The following PTPRD variants were observed in gnomAD, a reference collection of about 807,000 sequenced individuals.
The protein encoded by PTPRD is receptor-type tyrosine-protein phosphatase delta.
Under a neutral mutation model 214.5 loss-of-function variants are expected in PTPRD, and 34 were observed. The ratio of observed to expected loss-of-function variants is 0.16; its 90% confidence interval spans 0.12 to 0.21. The LOEUF is 0.21. Ranked by LOEUF, PTPRD falls within the 10% of genes least tolerant of loss-of-function variation. PTPRD has a pLI of 1.00. For missense variants in PTPRD, 2,545 were observed against 2,398.7 expected, an observed-to-expected ratio of 1.06 and a Z score of -1.27; for synonymous variants, 1,128 against 845.7, an observed-to-expected ratio of 1.33 and a Z score of -5.79.
intron 8 of PTPRD, among the ~76,000 whole-genome samples, chr9:9,403,909 T>C (rs1242616396): frequency 1.3e-5 from 2 of 151,964 alleles, no homozygotes; most frequent in African/African-American, 2.4e-5. Context: ...AAATAAAACA[T>C]GTAATATAGC....
At chr9:10,392,382 C>T (rs999203805) in intron 2 of PTPRD, among the ~76,000 whole-genome samples, 27 of 151,272 alleles carry the variant, frequency 1.8e-4, no homozygotes, top group African/African-American at 6.5e-4. Flanking sequence ...ATAAGAATTC[C>T]CCATTACCAA....
At chr9:8,375,777 A>G (rs927442062) in intron 39 of PTPRD, among the ~76,000 whole-genome samples, 159 bp downstream of exon 39, 1 of 152,092 alleles carries the variant, frequency 6.6e-6, no homozygotes, top group African/African-American at 2.4e-5. Flanking sequence ...TGTCAAATCC[A>G]TCCTATTGAT....
chr9:8,844,540 T>C (rs1469121454), intron 11 of PTPRD, among the ~76,000 whole-genome samples: 1 of 152,216 alleles, frequency 6.6e-6, no homozygotes, highest in Non-Finnish European at 1.5e-5. Context: ...GCCAAGATTA[T>C]GCATATTTTA....
chr9:10,282,326 G>A (rs2095159476), intron 3 of PTPRD, among the ~76,000 whole-genome samples: 1 of 152,140 alleles, frequency 6.6e-6, no homozygotes, highest in African/African-American at 2.4e-5. Flanking sequence ...AATGTTAATT[G>A]TTCAATACAG....
intron 11 of PTPRD, among the ~76,000 whole-genome samples, chr9:8,884,011 T>A (rs1354804437): frequency 2.6e-5 from 4 of 152,242 alleles, no homozygotes; most frequent in African/African-American, 9.6e-5. Flanking sequence ...GCAAGCTTTA[T>A]GTTGCCTCAT....
At chr9:9,969,384 T>G (rs1328075949) in intron 4 of PTPRD, among the ~76,000 whole-genome samples, 2 of 152,112 alleles carry the variant, frequency 1.3e-5, no homozygotes, top group Non-Finnish European at 2.9e-5. Flanking sequence ...ACCAATAGGG[T>G]ACCCTTGAAA....
chr9:9,853,750 T>C (rs1371631141), intron 5 of PTPRD, among the ~76,000 whole-genome samples: 1 of 152,092 alleles, frequency 6.6e-6, no homozygotes, highest in Non-Finnish European at 1.5e-5. Flanking sequence ...GGTTTCACCA[T>C]GTTGGCCAGG....
intron 4 of PTPRD, among the ~76,000 whole-genome samples, chr9:9,946,439 A>T (rs181769960): frequency 6.6e-6 from 1 of 152,298 alleles, no homozygotes; most frequent in Non-Finnish European, 1.5e-5. Context: ...TAATTAAAAA[A>T]TAAACTCCCT....
chr9:9,786,909 C>A (rs1279842569), intron 5 of PTPRD, among the ~76,000 whole-genome samples: 1 of 152,008 alleles, frequency 6.6e-6, no homozygotes, highest in Non-Finnish European at 1.5e-5. Flanking sequence ...CTTTGGGAGG[C>A]CGAGGCAGGT....
intron 8 of PTPRD, among the ~76,000 whole-genome samples, chr9:9,443,173 A>T (rs1453147974): frequency 6.6e-6 from 1 of 152,172 alleles, no homozygotes; most frequent in South Asian, 2.1e-4. Context: ...TTTAAAAAAA[A>T]TCTTCAACTG....
At chr9:8,881,201 A>T (rs1357738291) in intron 11 of PTPRD, among the ~76,000 whole-genome samples, 1 of 152,228 alleles carries the variant, frequency 6.6e-6, no homozygotes, top group Non-Finnish European at 1.5e-5. Context: ...AAGAAATCAA[A>T]TGTATTTGTT....
At chr9:9,594,470 C>T (rs1251015184) in intron 7 of PTPRD, among the ~76,000 whole-genome samples, 1 of 151,956 alleles carries the variant, frequency 6.6e-6, no homozygotes, top group Non-Finnish European at 1.5e-5. Context: ...GATGAGGATC[C>T]AGTTTCATTC....
intron 11 of PTPRD, among the ~76,000 whole-genome samples, chr9:8,812,432 C>T (rs1301910289): frequency 3.3e-5 from 5 of 152,092 alleles, no homozygotes; most frequent in African/African-American, 1.2e-4. Context: ...TTAAGAATCC[C>T]CTGCTTTGGT....
intron 2 of PTPRD, among the ~76,000 whole-genome samples, chr9:10,382,665 G>A (rs80067151): frequency 5.9e-5 from 9 of 151,880 alleles, no homozygotes; most frequent in Non-Finnish European, 1.3e-4. Context: ...ATCACAGGAT[G>A]AGGTTTCATA....
intron 2 of PTPRD, among the ~76,000 whole-genome samples, chr9:10,393,928 C>T (rs954214696): frequency 4.7e-5 from 7 of 147,942 alleles, no homozygotes; most frequent in Non-Finnish European, 8.9e-5. Flanking sequence ...TTGATTATAT[C>T]TTTGCTATAT....
chr9:8,776,842 G>T (rs1250142991), intron 11 of PTPRD, among the ~76,000 whole-genome samples: 1 of 142,734 alleles, frequency 7.0e-6, no homozygotes, highest in Non-Finnish European at 1.5e-5. Context: ...ATAATACATA[G>T]GTATAATATA....
At chr9:9,307,464 C>T (rs570042545) in intron 9 of PTPRD, among the ~76,000 whole-genome samples, 2 of 152,248 alleles carry the variant, frequency 1.3e-5, no homozygotes, top group East Asian at 1.9e-4. Context: ...CTTAAGGGTA[C>T]GATTGCTAAG....
intron 5 of PTPRD, among the ~76,000 whole-genome samples, chr9:9,890,351 A>T (rs1039390117): frequency 6.6e-6 from 1 of 151,414 alleles, no homozygotes; most frequent in Non-Finnish European, 1.5e-5. Context: ...TGTTCCCTCC[A>T]CGCCTGGCTA....
intron 10 of PTPRD, among the ~76,000 whole-genome samples, chr9:9,174,844 G>A (rs964818191): frequency 6.6e-6 from 1 of 151,892 alleles, no homozygotes; most frequent in Non-Finnish European, 1.5e-5. Context: ...CGTGAGATTT[G>A]CTTTGGACTG....
Sources: gnomAD v4.1 joint callset for allele counts (sites outside exome capture counted in the v4.1 genomes callset) on GRCh38, gnomAD v4.1.1 for gene constraint, MANE v1.5 for transcripts, NCBI Gene and HGNC (gene_info 2026-07-23, HGNC 2026-07-21) for gene names.